The following TAFA1 variants were observed in gnomAD, a reference collection of about 807,000 sequenced individuals.
TAFA1 encodes the protein TAFA chemokine like family member 1.
In TAFA1, 4 loss-of-function variants were observed where a neutral mutation model predicts 18.5. The observed-to-expected ratio is 0.22, with a 90% CI of 0.11 to 0.49. The LOEUF (loss-of-function observed/expected upper bound fraction) is 0.49, where lower values mean the gene tolerates loss of function less well. Among genes scored for constraint, TAFA1 ranks in the 20% least tolerant of loss-of-function variants. TAFA1 has a pLI of 0.98. For missense variants in TAFA1, 147 were observed against 169.0 expected (o/e 0.87, Z 0.72); for synonymous variants, 56 against 55.2 (o/e 1.01, Z -0.06).
intron 2 of TAFA1, among the ~76,000 whole-genome samples, chr3:68,117,392 C>T (rs991393796): frequency 5.9e-5 from 9 of 152,068 alleles, no homozygotes; most frequent in African/African-American, 2.2e-4. Context: ...AAATGGAAAG[C>T]CAAGTTAATA....
intron 2 of TAFA1, among the ~76,000 whole-genome samples, chr3:68,196,328 G>A (rs1040894340): frequency 2.6e-5 from 4 of 151,674 alleles, no homozygotes; most frequent in African/African-American, 4.8e-5. Context: ...ATTTTCTAAC[G>A]GTCTCAGATT....
At chr3:68,274,881 CAT>C (rs2067763861) in intron 2 of TAFA1, among the ~76,000 whole-genome samples, 1 of 152,006 alleles carries the variant, frequency 6.6e-6, no homozygotes, top group African/African-American at 2.4e-5. Flanking sequence ...GAAATGATTC[CAT>C]TACCAAAGGA....
chr3:68,118,582 A>G (rs947807859), intron 2 of TAFA1, among the ~76,000 whole-genome samples: 1 of 152,118 alleles, frequency 6.6e-6, no homozygotes, highest in Non-Finnish European at 1.5e-5. Flanking sequence ...GTTTCTATAC[A>G]TTCGACTACT....
At chr3:68,134,379 A>G (rs968363969) in intron 2 of TAFA1, among the ~76,000 whole-genome samples, 2 of 152,080 alleles carry the variant, frequency 1.3e-5, no homozygotes, top group African/African-American at 4.8e-5. Context: ...GTGTATACAT[A>G]TTATATATAT....
At chr3:68,105,167 A>G (rs959900893) in intron 2 of TAFA1, among the ~76,000 whole-genome samples, 2 of 152,124 alleles carry the variant, frequency 1.3e-5, no homozygotes, top group Non-Finnish European at 2.9e-5. Flanking sequence ...CAAGCCATTT[A>G]TGAGGCATCT....
At chr3:68,164,653 G>GTGTGTT (rs1208382233) in intron 2 of TAFA1, among the ~76,000 whole-genome samples, 1 of 151,904 alleles carries the variant, frequency 6.6e-6, no homozygotes, top group Admixed American at 6.6e-5. Flanking sequence ...GTGTGTGTGT[G>GTGTGTT]TGTGTGTGGG....
chr3:68,371,022 C>G (rs2069696376), intron 2 of TAFA1, among the ~76,000 whole-genome samples: 1 of 151,932 alleles, frequency 6.6e-6, no homozygotes, highest in Non-Finnish European at 1.5e-5. Flanking sequence ...GAACAAAATG[C>G]ACAACAGGCC....
chr3:68,472,517 C>T (rs1005010946), intron 3 of TAFA1, among the ~76,000 whole-genome samples: 1 of 151,914 alleles, frequency 6.6e-6, no homozygotes, highest in African/African-American at 2.4e-5. Flanking sequence ...CACACACACA[C>T]ACACACACAC....
chr3:68,006,580 G>C (rs1211542851), intron 1 of TAFA1, 44 bp from the exon 2 acceptor site: 1 of 1,336,928 alleles, frequency 7.5e-7, no homozygotes. Flanking sequence ...TGAGCTGGGG[G>C]CTTGAAGCCG....
chr3:68,449,921 G>A (rs1342177957), intron 3 of TAFA1, among the ~76,000 whole-genome samples: 1 of 152,216 alleles, frequency 6.6e-6, no homozygotes, highest in East Asian at 1.9e-4. Flanking sequence ...ACTCTAGCCT[G>A]CTCTTCTCAC....
At chr3:68,162,074 T>C (rs928615046) in intron 2 of TAFA1, among the ~76,000 whole-genome samples, 2 of 152,196 alleles carry the variant, frequency 1.3e-5, no homozygotes, top group Admixed American at 1.3e-4. Context: ...ATAGAAAACA[T>C]TTGCCAATTG....
intron 2 of TAFA1, among the ~76,000 whole-genome samples, chr3:68,087,409 A>T (rs1347025235): frequency 6.6e-6 from 1 of 152,164 alleles, no homozygotes; most frequent in South Asian, 2.1e-4. Flanking sequence ...TAATACAAGT[A>T]ATACATTTTA....
At chr3:68,480,049 G>T (rs1237494602) in intron 3 of TAFA1, among the ~76,000 whole-genome samples, 6 of 152,040 alleles carry the variant, frequency 3.9e-5, no homozygotes, top group Admixed American at 2.6e-4. Context: ...TCAAAGTGTG[G>T]TTCCATGCAA....
chr3:68,008,981 A>G (rs762026782), intron 2 of TAFA1, among the ~76,000 whole-genome samples: 38 of 152,320 alleles, frequency 2.5e-4, no homozygotes, highest in Non-Finnish European at 4.6e-4. Context: ...AGTCTTTTGT[A>G]AGCTGTAAAG....
upstream of TAFA1, among the ~76,000 whole-genome samples, chr3:68,001,580 T>G (rs1489609761): frequency 3.9e-5 from 5 of 128,254 alleles, no homozygotes; most frequent in African/African-American, 1.8e-4. Flanking sequence ...GTTGTTGTTG[T>G]TTTTTTTTTT....
chr3:67,996,724 G>C, the TAFA1 span, among the ~76,000 whole-genome samples: 2 of 151,956 alleles, frequency 1.3e-5, no homozygotes, highest in African/African-American at 2.4e-5. Flanking sequence ...CCCTGAACTT[G>C]GGAGGCAGAG....
At chr3:68,022,588 T>C (rs1404639351) in intron 2 of TAFA1, among the ~76,000 whole-genome samples, 1 of 151,882 alleles carries the variant, frequency 6.6e-6, no homozygotes, top group African/African-American at 2.4e-5. Context: ...AGGGATGGAA[T>C]TTGAGTAGCG....
chr3:68,544,090 G>T (rs1279277417), intron 4 of TAFA1, among the ~76,000 whole-genome samples: 1 of 152,022 alleles, frequency 6.6e-6, no homozygotes, highest in African/African-American at 2.4e-5. Flanking sequence ...AAATGAAAGT[G>T]CAGGGCCCTT....
chr3:68,145,419 T>C, intron 2 of TAFA1: 1 of 850,254 alleles, frequency 1.2e-6, no homozygotes, highest in Non-Finnish European at 2.1e-6. Context: ...TTTGTTGGAC[T>C]TCCTATAGAA....
Sources: gnomAD v4.1 joint callset for allele counts (sites outside exome capture counted in the v4.1 genomes callset) on GRCh38, gnomAD v4.1.1 for gene constraint, MANE v1.5 for transcripts, NCBI Gene and HGNC (gene_info 2026-07-23, HGNC 2026-07-21) for gene names.